The following CPNE9 variants were observed in gnomAD, a reference collection of about 807,000 sequenced individuals.
CPNE9 encodes copine family member 9, also known as copine-9.
In CPNE9, 59 loss-of-function variants were observed where a neutral mutation model predicts 83.0. The observed-to-expected ratio is 0.71, with a 90% CI of 0.58 to 0.88. The LOEUF (loss-of-function observed/expected upper bound fraction) is 0.88. Among genes scored for constraint, CPNE9 ranks in the 40% least tolerant of loss-of-function variants. The pLI is 0.00. For missense variants in CPNE9, 619 were observed against 720.8 expected (o/e 0.86, Z 1.62); for synonymous variants, 256 against 273.4 (o/e 0.94, Z 0.63).
chr3:9,709,955 A>T (rs2076609271), intron 7 of CPNE9, among the ~76,000 whole-genome samples: 1 of 149,060 alleles, frequency 6.7e-6, no homozygotes, highest in South Asian at 2.1e-4. Context: ...ACACCATTGC[A>T]CTCCAGCCTG....
In CPNE9 at chr3:9,718,584, T is replaced by C. The variant is rs2076707010; in HGVS notation, c.1223T>C (p.Val408Ala). Residue 408 changes from valine to alanine, a missense_variant, in exon 17 of 21, where the codon GTC becomes GCC. Around this residue, in one of 3 missense-constraint regions of CPNE9, gnomAD observed 438 missense variants for 562.9 expected, o/e 0.78. Transcript: ENST00000383832. ...TATGGGCCCACCTACTTTGCTCCTG[T>C]CATCAACCAAGTGGCCAGGTAAGGG... is the stretch of plus-strand genomic sequence containing the variant. ...QLYGPTYFAP[V>A]INQVARAAAK... 1.2e-6 allele frequency: 2 copies of C among 1,612,790 alleles called. No individual in the cohort carries two copies. Among genetic ancestry groups the C allele is most frequent in the African/African-American group, 2.7e-5 (2 of 74,864 alleles).
In CPNE9 at chr3:9,705,476, C is replaced by T; in HGVS notation, c.273C>T (p.Asp91=). The part of the protein sequence containing the change: ...QNLRFDVYNV[D]SKTNISKPKD... ...ACTCTTTTCCCAGGTACAACGTGGA[C>T]TCCAAAACCAACATCTCCAAACCGG... Residue 91 remains aspartate, a synonymous_variant, in exon 5 of 21, where the codon GAC becomes GAT. Transcript: ENST00000383832. 3 of 1,459,494 alleles carry T rather than the reference C, an allele frequency of 2.1e-6. No homozygotes were observed. Among genetic ancestry groups the T allele is most frequent in the Non-Finnish European group, 1.8e-6 (2 of 1,087,608 alleles). The allele number at this position is 1,459,494 out of a possible 1,614,324, so 90.4% of individuals were successfully genotyped here.
intron 17 of CPNE9, among the ~76,000 whole-genome samples, chr3:9,718,834 C>CTTT (rs750687755): frequency 9.4e-5 from 11 of 117,598 alleles, no homozygotes; most frequent in Non-Finnish European, 1.4e-4. Flanking sequence ...GACCCCATCT[C>CTTT]TTTTTTTTTT....
At chr3:9,727,338 G>A (rs1269907989) in intron 20 of CPNE9, 152 bp downstream of exon 20, 2 of 903,230 alleles carry the variant, frequency 2.2e-6, no homozygotes, top group African/African-American at 1.6e-5. Context: ...CATCCTTTTT[G>A]ACAAACAGGA....
chr3:9,720,110 G>A (rs1187066530), intron 17 of CPNE9, among the ~76,000 whole-genome samples: 3 of 151,054 alleles, frequency 2.0e-5, no homozygotes, highest in South Asian at 4.2e-4. Flanking sequence ...AACTTAAAAC[G>A]AATTTATGAA....
chr3:9,722,338 G>A (rs1049132999), intron 17 of CPNE9, among the ~76,000 whole-genome samples: 13 of 152,148 alleles, frequency 8.5e-5, no homozygotes, highest in Non-Finnish European at 4.4e-5. Context: ...GGACTCTGCT[G>A]TTTCCCACTC....
intron 7 of CPNE9, among the ~76,000 whole-genome samples, chr3:9,707,141 C>G (rs1168727514): frequency 6.6e-6 from 1 of 151,914 alleles, no homozygotes; most frequent in Admixed American, 6.6e-5. Context: ...ATCACGAGGT[C>G]AGGAGATCGA....
intron 6 of CPNE9, 113 bp from the exon 7 acceptor site, chr3:9,705,874 C>T: frequency 7.3e-7 from 1 of 1,371,000 alleles, no homozygotes; most frequent in African/African-American, 1.4e-5. Context: ...GTGGCTCTTG[C>T]ACCACTCATT....
chr3:9,713,141 C>T, intron 10 of CPNE9, 62 bp downstream of exon 10: 1 of 1,239,074 alleles, frequency 8.1e-7, no homozygotes, highest in Non-Finnish European at 1.2e-6. Flanking sequence ...GTTCCTGGGC[C>T]CAAGAATGAT....
chr3:9,727,512 A>G (rs2125477745), intron 20 of CPNE9: 1 of 683,176 alleles, frequency 1.5e-6, no homozygotes, highest in African/African-American at 1.8e-5. Context: ...GAGAGCCTGT[A>G]ACAGGGACCT....
chr3:9,715,089 G>A, intron 11 of CPNE9, 134 bp downstream of exon 11: 1 of 927,582 alleles, frequency 1.1e-6, no homozygotes, highest in Non-Finnish European at 1.7e-6. Flanking sequence ...AGTGTCTTGG[G>A]TACAACTGAT....
chr3:9,707,902 A>ATACC, intron 7 of CPNE9, among the ~76,000 whole-genome samples: 1 of 152,108 alleles, frequency 6.6e-6, no homozygotes, highest in Non-Finnish European at 1.5e-5. Flanking sequence ...AATGTTAGAC[A>ATACC]TCCAAGTGGA....
chr3:9,705,838 C>A, intron 6 of CPNE9, 118 bp downstream of exon 6: 1 of 1,360,458 alleles, frequency 7.4e-7, no homozygotes, highest in Non-Finnish European at 1.0e-6. Flanking sequence ...CTTTCACACC[C>A]CCTCCATTAA....
At chr3:9,724,734 ATCTATC>A (rs2076762479) in intron 17 of CPNE9, among the ~76,000 whole-genome samples, 3 of 149,296 alleles carry the variant, frequency 2.0e-5, no homozygotes, top group Non-Finnish European at 1.5e-5. Flanking sequence ...CTATCTATCT[ATCTATC>A]TATCTATCTA....
intron 7 of CPNE9, among the ~76,000 whole-genome samples, chr3:9,709,344 A>ATTATTTTTTTTTTT (rs2076599859): frequency 6.7e-6 from 1 of 149,106 alleles, no homozygotes. Flanking sequence ...GCAGGAAGAG[A>ATTATTTTTTTTTTT]GGTCAAGAAT....
chr3:9,717,088 C>T lies in CPNE9; in HGVS notation c.915C>T (p.Asp305=). 1 of 1,614,192 alleles carries T rather than the reference C, an allele frequency of 6.2e-7. No homozygotes were observed. The highest frequency in any genetic ancestry group is 2.2e-5 in the East Asian group (1 of 44,892). ...GTQLNFTVAI[D]FTASNGNPLQ... is the part of the protein sequence containing the mutation. The stretch of plus-strand genomic sequence containing the variant: ...AGCTGAACTTCACAGTAGCCATTGA[C>T]TTCACGGCTTCCAATGGTGAGACAC... The change falls in exon 15 of 21, where the codon GAC becomes GAT. Residue 305 remains aspartate, a synonymous_variant. Coordinates refer to ENST00000383832, the MANE Select transcript of CPNE9 (RefSeq NM_153635.3).
chr3:9,708,757 G>A (rs866152628), intron 7 of CPNE9, among the ~76,000 whole-genome samples: 45 of 151,782 alleles, frequency 3.0e-4, no homozygotes, highest in Middle Eastern at 3.4e-3. Context: ...CTCAGCCTCC[G>A]GAGTAGCTGG....
At chr3:9,710,144 C>G (rs991684996) in intron 7 of CPNE9, among the ~76,000 whole-genome samples, 1 of 151,830 alleles carries the variant, frequency 6.6e-6, no homozygotes, top group African/African-American at 2.4e-5. Flanking sequence ...GAGACTCCAT[C>G]TCTACAAAAA....
In CPNE9 at chr3:9,705,087, T is replaced by C. The variant is rs1294046092; in HGVS notation, c.260+93T>C. 8.7e-6 allele frequency: 8 copies of C among 916,302 alleles called. No homozygotes were observed. In the Admixed American group the frequency reaches 1.1e-4, roughly 13 times the overall value. The allele number at this position is 916,302 out of a possible 1,614,324, so 56.8% of individuals were successfully genotyped here. A position where few individuals can be genotyped will look rare whatever the true frequency, so the allele number is the denominator to read the frequency against. The stretch of plus-strand genomic sequence containing the variant: ...CCCCACCCCCGCCTCGCCTCCGGCC[T>C]GGTTCTTCTCGCAGGCCTCCCTCCC... On this transcript the variant is annotated intron_variant, in intron 4 of 20. Transcript: ENST00000383832.
Sources: allele counts gnomAD v4.1 joint callset (sites outside exome capture counted in the v4.1 genomes callset), GRCh38; gene constraint gnomAD v4.1.1; regional missense constraint gnomAD v4.1.1; transcripts MANE v1.5; gene names NCBI Gene and HGNC (gene_info 2026-07-23, HGNC 2026-07-21).